Variants in SNAP91 observed in about 807,000 individuals in gnomAD.
SNAP91 encodes synaptosome associated protein 91.
Under a neutral mutation model 100.3 loss-of-function variants are expected in SNAP91, and 27 were observed. The ratio of observed to expected loss-of-function variants is 0.27; its 90% CI spans 0.20 to 0.37. The LOEUF is 0.37. SNAP91 is among the 10% of genes least tolerant of loss of function. The pLI is 1.00. For synonymous variants in SNAP91, 404 were observed against 398.6 expected, an observed-to-expected ratio of 1.01 and a Z score of -0.16; for missense variants, 986 against 1,123.7, an observed-to-expected ratio of 0.88 and a Z score of 1.75.
Position 83,678,775 on chromosome 6 carries a change from T to C in SNAP91, c.131-13194A>G, listed in dbSNP as rs1374396495. 3.1e-6 allele frequency: 4 copies of C among 1,289,226 alleles called. No homozygotes were observed. In the African/African-American group the frequency reaches 6.1e-5, roughly 20 times the overall value. 79.9% of individuals were successfully genotyped at this position (1,289,226 alleles called of 1,614,324 possible). ...CACCTCTTTGGCCTTACCAAAGCCT[T>C]ACTGTTATTATTCTTGAACGCCCTC... is the stretch of plus-strand genomic sequence containing the variant. On this transcript the variant is annotated intron_variant, in intron 2 of 29. Transcript: ENST00000369694.
intron 26 of SNAP91, among the ~76,000 whole-genome samples, chr6:83,565,246 C>T (rs943991829): frequency 6.6e-6 from 1 of 151,990 alleles, no homozygotes; most frequent in East Asian, 1.9e-4. Context: ...TATTTCTCCT[C>T]CCCTCTCTAT....
intron 26 of SNAP91, among the ~76,000 whole-genome samples, chr6:83,567,162 T>C (rs898656281): frequency 2.0e-5 from 3 of 152,090 alleles, no homozygotes; most frequent in Non-Finnish European, 4.4e-5. Flanking sequence ...AGCCTCAAAT[T>C]CCTGGCCTCA....
Position 83,629,545 on chromosome 6 carries a change from T to C in SNAP91, c.766-6203A>G, listed in dbSNP as rs1008380968. On this transcript the variant is annotated intron_variant, in intron 8 of 29. Transcript: ENST00000369694. ...TATGATTTCTTTCAGCGGTGTTTTG[T>C]AGTTTTCCTTGTAGAGGTCTTTCAC... Among the ~76,000 whole-genome samples, 8 of 152,208 alleles carry C rather than the reference T, an allele frequency of 5.3e-5. No homozygotes were observed. The East Asian group carries it at 1.5e-3, about 29-fold the overall frequency.
intron 26 of SNAP91, among the ~76,000 whole-genome samples, chr6:83,564,138 A>G (rs560861126): frequency 6.6e-6 from 1 of 152,300 alleles, no homozygotes; most frequent in Non-Finnish European, 1.5e-5. Flanking sequence ...GTGTGGTACT[A>G]GCATAAAGAC....
At chr6:83,672,382 T>C (rs1210124630) in intron 2 of SNAP91, among the ~76,000 whole-genome samples, 2 of 152,128 alleles carry the variant, frequency 1.3e-5, no homozygotes, top group Admixed American at 6.6e-5. Flanking sequence ...ATGGACAAGT[T>C]AATTTGACCA....
rs889143994 is a variant in SNAP91, at chr6:83,587,710, A to C, written c.2014+3501T>G. 3.9e-5 allele frequency among the ~76,000 whole-genome samples: 6 copies of C among 152,208 alleles called. No individual in the cohort carries two copies. In the East Asian group the frequency reaches 1.2e-3, roughly 29 times the overall value. On this transcript the variant is annotated intron_variant, in intron 22 of 29. Coordinates refer to ENST00000369694, the MANE Select transcript of SNAP91 (RefSeq NM_001242792.2). ...AACAGCCAATTGTCAGCTAGGTTAC[A>C]AATATAAATGTGACTGTGGTTTTAT... is the stretch of plus-strand genomic sequence containing the variant.
chr6:83,573,859 A>ACCTAGGC lies in SNAP91; in HGVS notation c.2442+1144_2442+1150dup, dbSNP rs1813166431. ...AAAACCATAAAAATCCTAGAAGAAA[A>ACCTAGGC]CCTAGGCAATACCATTCAGGACATA... On this transcript the variant is annotated intron_variant, in intron 26 of 29. Transcript: ENST00000369694. Among the ~76,000 whole-genome samples, 4 of 152,308 alleles carry ACCTAGGC rather than the reference A, an allele frequency of 2.6e-5. No individual in the cohort carries two copies. In the East Asian group the frequency reaches 7.7e-4, roughly 29 times the overall value.
chr6:83,685,297 G>GA (rs1036935392), intron 2 of SNAP91, among the ~76,000 whole-genome samples: 14 of 152,248 alleles, frequency 9.2e-5, no homozygotes, highest in African/African-American at 7.2e-5. Context: ...TTCCATAATG[G>GA]AAAAAATCCT....
At chr6:83,689,749 T>C (rs780810480) in intron 2 of SNAP91, 7 of 152,116 alleles carry the variant, frequency 4.6e-5, no homozygotes, top group Non-Finnish European at 8.8e-5. Context: ...TCAAAGATTG[T>C]GAATATGGTA....
intron 7 of SNAP91, among the ~76,000 whole-genome samples, chr6:83,643,263 C>T (rs981614400): frequency 9.2e-5 from 14 of 152,134 alleles, no homozygotes; most frequent in African/African-American, 3.1e-4. Context: ...AAGTCCTTGC[C>T]CATGCCTATG....
intron 16 of SNAP91, among the ~76,000 whole-genome samples, chr6:83,600,110 G>A (rs1292469234): frequency 6.6e-6 from 1 of 152,158 alleles, no homozygotes; most frequent in Non-Finnish European, 1.5e-5. Flanking sequence ...TCAAGGGTCT[G>A]CAATCCTTTT....
At chr6:83,597,651 T>A (rs1440921185) in intron 16 of SNAP91, among the ~76,000 whole-genome samples, 1 of 152,180 alleles carries the variant, frequency 6.6e-6, no homozygotes, top group African/African-American at 2.4e-5. Flanking sequence ...CCTCTCAAAC[T>A]TTTTATCATA....
At chr6:83,709,368 T>C (rs898865879), upstream of SNAP91, 7 of 152,426 alleles carry the variant, frequency 4.6e-5, no homozygotes, top group Non-Finnish European at 7.3e-5. Flanking sequence ...GCCCCTCCGC[T>C]GCTGGCGCCG....
At chr6:83,577,835 C>G (rs1488480588) in intron 24 of SNAP91, among the ~76,000 whole-genome samples, 2 of 152,076 alleles carry the variant, frequency 1.3e-5, no homozygotes, top group African/African-American at 4.8e-5. Flanking sequence ...TTTGTCACCA[C>G]AAAAAGAAAC....
chr6:83,677,093 C>T (rs570435970), intron 2 of SNAP91, among the ~76,000 whole-genome samples: 1 of 152,260 alleles, frequency 6.6e-6, no homozygotes, highest in African/African-American at 2.4e-5. Context: ...GTATCTAGTT[C>T]ATGTTTCTCT....
At chr6:83,613,662 G>T (rs1393492542) in intron 11 of SNAP91, among the ~76,000 whole-genome samples, 2 of 152,176 alleles carry the variant, frequency 1.3e-5, no homozygotes, top group Non-Finnish European at 2.9e-5. Context: ...GCCCCTCAGA[G>T]CCTATGCTCA....
chr6:83,628,156 C>G (rs1348895916), intron 8 of SNAP91, among the ~76,000 whole-genome samples: 1 of 150,340 alleles, frequency 6.7e-6, no homozygotes, highest in Non-Finnish European at 1.5e-5. Context: ...AGTCTCCAAT[C>G]TAATCCAGGT....
At chr6:83,691,916 G>A (rs2099135604) in intron 2 of SNAP91, among the ~76,000 whole-genome samples, 1 of 152,100 alleles carries the variant, frequency 6.6e-6, no homozygotes, top group African/African-American at 2.4e-5. Context: ...TTGATTTTAG[G>A]AGATGATTTT....
intron 7 of SNAP91, among the ~76,000 whole-genome samples, chr6:83,656,389 T>G (rs1489121666): frequency 1.3e-5 from 2 of 152,208 alleles, no homozygotes; most frequent in Non-Finnish European, 2.9e-5. Context: ...AAGGCTTATA[T>G]GCCTATCATC....
Sources: allele counts gnomAD v4.1 joint callset (sites outside exome capture counted in the v4.1 genomes callset), GRCh38; gene constraint gnomAD v4.1.1; transcripts MANE v1.5; gene names NCBI Gene and HGNC (gene_info 2026-07-23, HGNC 2026-07-21).